FLT1: variants seen among roughly 807,000 people sequenced by gnomAD.
FLT1 encodes fms related receptor tyrosine kinase 1, also known as vascular endothelial growth factor receptor 1.
FLT1 carries 49 observed loss-of-function variants against 156.3 expected under a neutral mutation model. That is an observed-to-expected ratio of 0.31 (90% confidence interval 0.25 to 0.40). The LOEUF (loss-of-function observed/expected upper bound fraction) is 0.40. Among genes scored for constraint, FLT1 ranks in the 10% least tolerant of loss-of-function variants. The pLI, the probability that FLT1 is intolerant of heterozygous loss-of-function variation, is 1.00. For missense variants in FLT1, 1,322 were observed against 1,637.2 expected, an observed-to-expected ratio of 0.81 and a Z score of 3.32; for synonymous variants, 594 against 583.8, an observed-to-expected ratio of 1.02 and a Z score of -0.25.
chr13:28,337,733 A>G (rs1872176685), intron 17 of FLT1, among the ~76,000 whole-genome samples: 1 of 152,252 alleles, frequency 6.6e-6, no homozygotes. Context: ...GAATTCTGGT[A>G]GAAGGATTAG....
intron 3 of FLT1, among the ~76,000 whole-genome samples, chr13:28,450,008 T>A (rs1593805295): frequency 1.2e-4 from 1 of 8,016 alleles, no homozygotes; most frequent in South Asian, 1.3e-3. Flanking sequence ...GGAAAACCGA[T>A]TCCCCTCAAT....
chr13:28,343,217 A>G (rs1303030417), intron 16 of FLT1, among the ~76,000 whole-genome samples: 1 of 151,948 alleles, frequency 6.6e-6, no homozygotes, highest in African/African-American at 2.4e-5. Flanking sequence ...TCCTGACCTC[A>G]GGTGATCCAC....
Position 28,321,541 on chromosome 13 carries a change from C to G in FLT1, c.3096G>C (p.Glu1032Asp). ...DLAARNILLSENNVVKICDFG... is the reference protein window; with the variant it reads ...DLAARNILLSDNNVVKICDFG... ...AATCACAAATCTTCACCACGTTGTT[C>G]TCAGATAAAAGAATGTTTCTCGCTG... The change falls in exon 23 of 30, where the codon GAG becomes GAC. Residue 1032 changes from glutamate to aspartate, a missense_variant. Glu to Asp is a conservative substitution (Grantham distance 45, BLOSUM62 2). Coordinates refer to ENST00000282397, the MANE Select transcript of FLT1 (RefSeq NM_002019.4). 6.2e-7 allele frequency: 1 copy of G among 1,614,116 alleles called. No individual in the cohort carries two copies. The highest frequency in any genetic ancestry group is 1.7e-5 in the Admixed American group (1 of 60,036).
Position 28,311,583 on chromosome 13 carries a change from AT to A in FLT1, c.3635+6del, listed in dbSNP as rs766358980. ...CTGTGATATAAAGTTTGAGAAAGAAATCTTACCTGACATCATCAGAGCTTCC... is the reference window on the plus strand; with the variant it reads ...CTGTGATATAAAGTTTGAGAAAGAAACTTACCTGACATCATCAGAGCTTCC... On this transcript the variant is annotated splice_donor_region_variant and intron_variant, in intron 27 of 29. Coordinates refer to ENST00000282397, the MANE Select transcript of FLT1 (RefSeq NM_002019.4). 7 of 1,611,606 alleles carry A rather than the reference AT, an allele frequency of 4.3e-6. No individual in the cohort carries two copies. Among genetic ancestry groups the A allele is most frequent in the Non-Finnish European group, 5.9e-6 (7 of 1,178,802 alleles).
At chr13:28,383,131 G>T (rs1161372073) in intron 14 of FLT1, among the ~76,000 whole-genome samples, 2 of 151,796 alleles carry the variant, frequency 1.3e-5, no homozygotes, top group Admixed American at 1.3e-4. Context: ...TATGAAGCAG[G>T]CAATAGACAG....
intron 11 of FLT1, among the ~76,000 whole-genome samples, chr13:28,401,920 G>A (rs1287411324): frequency 1.3e-5 from 2 of 152,180 alleles, no homozygotes; most frequent in African/African-American, 4.8e-5. Context: ...AATTAATGCT[G>A]TGATAACGTA....
At chr13:28,318,055 C>T (rs1871277158) in intron 24 of FLT1, among the ~76,000 whole-genome samples, 1 of 152,080 alleles carries the variant, frequency 6.6e-6, no homozygotes, top group African/African-American at 2.4e-5. Flanking sequence ...AACTCCTGGG[C>T]TCAAGCAATC....
chr13:28,388,142 C>A, intron 13 of FLT1: 3 of 1,057,334 alleles, frequency 2.8e-6, no homozygotes, highest in Non-Finnish European at 3.4e-6. Flanking sequence ...GGCCAAAGAG[C>A]CATAGGTAAA....
In FLT1 at chr13:28,388,073, T is replaced by C. The variant is rs987007740; in HGVS notation, c.1969+1723A>G. Reference sequence around the variant, plus strand: ...CAACTATTAAGGCCCCCATGTTCTATGGTATTAAGGCATTGTTTCCTGAAG... The same window carrying C: ...CAACTATTAAGGCCCCCATGTTCTACGGTATTAAGGCATTGTTTCCTGAAG... On this transcript the variant is annotated intron_variant, in intron 13 of 29. Transcript: ENST00000282397. 78 of 1,057,506 alleles carry C rather than the reference T, an allele frequency of 7.4e-5. No individual in the cohort carries two copies. The Middle Eastern group carries it at 1.3e-3, about 17-fold the overall frequency. 65.5% of individuals were successfully genotyped at this position (1,057,506 alleles called of 1,614,324 possible).
chr13:28,335,533 A>T (rs749357635), intron 17 of FLT1, among the ~76,000 whole-genome samples: 10 of 152,158 alleles, frequency 6.6e-5, no homozygotes, highest in Non-Finnish European at 8.8e-5. Context: ...CTACTCAGTG[A>T]CAAAAATGTC....
rs1417283251 is a variant in FLT1 at position 28,302,819 on chromosome 13, C to G, written c.*348G>C. 3.1e-6 allele frequency: 1 copy of G among 324,172 alleles called. No individual in the cohort carries two copies. Among genetic ancestry groups the G allele is most frequent in the Non-Finnish European group, 5.8e-6 (1 of 173,850 alleles). The allele number at this position is 324,172 out of a possible 1,614,324, so 20.1% of individuals were successfully genotyped here. On this transcript the variant is annotated 3_prime_UTR_variant, in exon 30 of 30. Transcript: ENST00000282397. ...GCTGCAGGGCTGGCCCAGTGGGGTA[C>G]GTGATGCATTGGGTGATCAGTGCAG... is the stretch of plus-strand genomic sequence containing the variant.
chr13:28,412,361 TTTC>T (rs1700793750), intron 10 of FLT1, among the ~76,000 whole-genome samples: 1 of 106,448 alleles, frequency 9.4e-6, no homozygotes, highest in East Asian at 3.1e-4. Flanking sequence ...TCTTTCTTTC[TTTC>T]TTTCTTTCTT....
chr13:28,426,343 A>C (rs1877340554), intron 10 of FLT1, among the ~76,000 whole-genome samples: 1 of 152,126 alleles, frequency 6.6e-6, no homozygotes, highest in Non-Finnish European at 1.5e-5. Flanking sequence ...AAAGAGGAAA[A>C]AGCAAACAAG....
chr13:28,360,220 C>T (rs367601731), intron 14 of FLT1, among the ~76,000 whole-genome samples: 26 of 152,244 alleles, frequency 1.7e-4, no homozygotes, highest in Middle Eastern at 3.4e-3. Context: ...AGAAGGGAAC[C>T]CTTATACACG....
At chr13:28,368,661 G>T in intron 14 of FLT1, 4 of 867,080 alleles carry the variant, frequency 4.6e-6, no homozygotes, top group Non-Finnish European at 7.6e-6. Context: ...GATGTATACA[G>T]TTCTAGGTAC....
intron 20 of FLT1, among the ~76,000 whole-genome samples, chr13:28,325,536 C>T (rs769864502): frequency 1.1e-4 from 17 of 152,082 alleles, no homozygotes; most frequent in African/African-American, 2.9e-4. Flanking sequence ...ATTATTAGGC[C>T]GGGCACGGTG....
rs566810015 is a variant in FLT1 at position 28,377,456 on chromosome 13, T to A, written c.2116+7429A>T. On this transcript the variant is annotated intron_variant, in intron 14 of 29. Coordinates refer to ENST00000282397, the MANE Select transcript of FLT1 (RefSeq NM_002019.4). Reference sequence around the variant, plus strand: ...ATTTTTCTGATTGCCCATTTATTAATTTGCCTTATTCCATTTTTAGACCAA... The same window carrying A: ...ATTTTTCTGATTGCCCATTTATTAAATTGCCTTATTCCATTTTTAGACCAA... Among the ~76,000 whole-genome samples the A allele has an allele frequency of 3.7e-3, 540 of 144,892 alleles. 6 individuals carry two copies. Among genetic ancestry groups the A allele is most frequent in the South Asian group, 0.018 (82 of 4,560 alleles).
intron 1 of FLT1, among the ~76,000 whole-genome samples, chr13:28,482,285 A>G (rs1359432142): frequency 6.6e-6 from 1 of 152,136 alleles, no homozygotes; most frequent in Non-Finnish European, 1.5e-5. Context: ...CTAAAAATAC[A>G]ATATTAGCCC....
intron 1 of FLT1, among the ~76,000 whole-genome samples, chr13:28,477,556 G>A (rs957976307): frequency 6.6e-6 from 1 of 152,152 alleles, no homozygotes; most frequent in Admixed American, 6.5e-5. Flanking sequence ...TAAAATACTC[G>A]GTAGAGAAGT....
Sources: gnomAD v4.1 joint callset for allele counts (sites outside exome capture counted in the v4.1 genomes callset) on GRCh38, gnomAD v4.1.1 for gene constraint, MANE v1.5 for transcripts, NCBI Gene and HGNC (gene_info 2026-07-23, HGNC 2026-07-21) for gene names.